Variants in DNAH14 observed in about 807,000 individuals in gnomAD.
The protein encoded by DNAH14 is dynein axonemal heavy chain 14, also known as axonemal beta dynein heavy chain 14.
A neutral mutation model predicts 520.9 loss-of-function variants in DNAH14; 478 were observed. The ratio of observed to expected loss-of-function variants is 0.92; its 90% CI spans 0.85 to 0.99. The LOEUF (loss-of-function observed/expected upper bound fraction) is 0.99. Among genes scored for constraint, DNAH14 ranks in the 50% least tolerant of loss-of-function variants. The pLI is 0.00. For synonymous variants in DNAH14, 1,581 were observed against 1,757.2 expected (o/e 0.90, Z 2.51); for missense variants, 4,831 against 5,234.5 (o/e 0.92, Z 2.38).
intron 54 of DNAH14, among the ~76,000 whole-genome samples, chr1:225,280,636 G>A (rs1429127559): frequency 6.6e-6 from 1 of 151,512 alleles, no homozygotes; most frequent in African/African-American, 2.4e-5. Flanking sequence ...TTCAATCACA[G>A]CTCAAGAAAG....
At chr1:225,294,302 G>T (rs1049249762) in intron 55 of DNAH14, among the ~76,000 whole-genome samples, 1 of 152,018 alleles carries the variant, frequency 6.6e-6, no homozygotes, top group South Asian at 2.1e-4. Context: ...TGATAATGGT[G>T]TATTATCTTT....
chr1:225,038,810 C>A lies in DNAH14; in HGVS notation c.1475C>A (p.Thr492Asn). The part of the protein sequence containing the change: ...SVQKSEVKTD[T>N]DINEILNSVE... ...CAAAAGTCAGAAGTAAAAACAGACA[C>A]TGATATTAATGAGGTAAAATGATCT... The change falls in exon 12 of 86, where the codon ACT becomes AAT. Residue 492 changes from threonine to asparagine, a missense_variant. Transcript: ENST00000682510. 6.7e-7 allele frequency: 1 copy of A among 1,497,982 alleles called. No individual in the cohort carries two copies. The highest frequency in any genetic ancestry group is 1.3e-5 in the South Asian group (1 of 74,834). 92.8% of individuals were successfully genotyped at this position (1,497,982 alleles called of 1,614,324 possible). A position where few individuals can be genotyped will look rare whatever the true frequency, so the allele number is the denominator to read the frequency against.
chr1:225,303,444 G>A (rs2094177665), intron 57 of DNAH14, 97 bp downstream of exon 57: 2 of 992,022 alleles, frequency 2.0e-6, no homozygotes, highest in Admixed American at 3.1e-5. Flanking sequence ...ACAAAAATAG[G>A]CAGTTCTAAG....
At position 225,145,370 on chromosome 1, in the gene DNAH14, G is replaced by C; in HGVS notation, c.4785G>C (p.Leu1595Phe). 6.5e-7 allele frequency: 1 copy of C among 1,545,232 alleles called. No homozygotes were observed. The highest frequency in any genetic ancestry group is 8.7e-7 in the Non-Finnish European group (1 of 1,144,204). Residue 1595 changes from leucine (L) to phenylalanine (F), a missense_variant, in exon 30 of 86, where the codon TTG becomes TTC. Coordinates refer to ENST00000682510, the MANE Select transcript of DNAH14 (RefSeq NM_001367479.1). ...TGGTCTTCAACTGTTTTGAGGATTT[G>C]GATTATAAGGTAAACCTTAAACATA... The part of the protein sequence containing the change: ...HCVVFNCFED[L>F]DYKIVRKFFF...
intron 78 of DNAH14, among the ~76,000 whole-genome samples, chr1:225,376,817 T>C (rs1362026608): frequency 1.3e-5 from 2 of 152,236 alleles, no homozygotes; most frequent in Non-Finnish European, 2.9e-5. Flanking sequence ...CCTGACCATA[T>C]GAACAATGCA....
intron 5 of DNAH14, among the ~76,000 whole-genome samples, chr1:224,965,737 A>C (rs2489348): frequency 6.6e-6 from 1 of 151,880 alleles, no homozygotes; most frequent in South Asian, 2.1e-4. Flanking sequence ...TTGAGCTTTC[A>C]TGTTTTGACC....
chr1:224,994,491 C>T (rs1184362336), intron 8 of DNAH14, among the ~76,000 whole-genome samples: 1 of 151,970 alleles, frequency 6.6e-6, no homozygotes, highest in Non-Finnish European at 1.5e-5. Context: ...ACTATAACCA[C>T]CCCTGTTCTT....
At chr1:225,024,571 A>T (rs894914048) in intron 11 of DNAH14, 1 of 152,198 alleles carries the variant, frequency 6.6e-6, no homozygotes, top group Admixed American at 6.5e-5. Flanking sequence ...AAAGTTTTAT[A>T]ACTAGGTAGC....
chr1:225,315,712 A>G (rs72750806), intron 60 of DNAH14, among the ~76,000 whole-genome samples: 1 of 152,264 alleles, frequency 6.6e-6, no homozygotes, highest in Non-Finnish European at 1.5e-5. Flanking sequence ...GGTCTGCTGG[A>G]ATTTGCTGGG....
At chr1:225,185,259 A>G (rs1484279844) in intron 36 of DNAH14, 32 bp from the exon 37 acceptor site, 41 of 1,533,276 alleles carry the variant, frequency 2.7e-5, no homozygotes, top group Non-Finnish European at 3.5e-5. Context: ...AAAATCATTA[A>G]TGAATGAATA....
rs1339984461 is a variant in DNAH14 at position 224,960,387 on chromosome 1, T to TGA, written c.367+86_367+87dup. 30 of 1,331,800 alleles carry TGA rather than the reference T, an allele frequency of 2.3e-5. No individual in the cohort carries two copies. The African/African-American group carries it at 3.9e-4, about 17-fold the overall frequency. The allele number at this position is 1,331,800 out of a possible 1,614,324, so 82.5% of individuals were successfully genotyped here. A position where few individuals can be genotyped will look rare whatever the true frequency, so the allele number is the denominator to read the frequency against. ...TGGTTTGTGTGCTTATATTGGACAC[T>TGA]GACTTTAGAAAAAACAGTCTTACTG... On this transcript the variant is annotated intron_variant, in intron 4 of 85. Transcript: ENST00000682510.
intron 1 of DNAH14, among the ~76,000 whole-genome samples, chr1:224,950,123 C>T (rs1334575271): frequency 6.6e-6 from 1 of 152,038 alleles, no homozygotes; most frequent in African/African-American, 2.4e-5. Flanking sequence ...CTTCAATACT[C>T]ATATTTAGAT....
At chr1:225,299,047 C>T (rs931920699) in intron 55 of DNAH14, among the ~76,000 whole-genome samples, 3 of 152,220 alleles carry the variant, frequency 2.0e-5, no homozygotes, top group Admixed American at 6.5e-5. Flanking sequence ...CCCATTGACA[C>T]TCTAGTCAAA....
intron 49 of DNAH14, among the ~76,000 whole-genome samples, chr1:225,268,287 G>A (rs2093193050): frequency 6.6e-6 from 1 of 152,096 alleles, no homozygotes; most frequent in Non-Finnish European, 1.5e-5. Context: ...AACCCTTCAT[G>A]CTAAACACTC....
At chr1:225,379,007 G>A (rs753319099) in intron 79 of DNAH14, among the ~76,000 whole-genome samples, 2 of 152,028 alleles carry the variant, frequency 1.3e-5, no homozygotes, top group African/African-American at 2.4e-5. Context: ...CCCACCTCCC[G>A]GGGCCCTGGT....
At position 225,307,616 on chromosome 1, in the gene DNAH14, A is replaced by G. The variant is rs752433835; in HGVS notation, c.9114+47A>G. 12 of 1,412,650 alleles carry G rather than the reference A, an allele frequency of 8.5e-6. 1 individual carries two copies. In the South Asian group the frequency reaches 1.6e-4, roughly 18 times the overall value. 87.5% of individuals were successfully genotyped at this position (1,412,650 alleles called of 1,614,324 possible). A position where few individuals can be genotyped will look rare whatever the true frequency, so the allele number is the denominator to read the frequency against. ...TTTTAAAGATTTTATAGTCTAATAT[A>G]GAACAGTGTTTGAAAGCAAAGGCTC... On this transcript the variant is annotated intron_variant, in intron 59 of 85. Coordinates refer to ENST00000682510, the MANE Select transcript of DNAH14 (RefSeq NM_001367479.1).
intron 8 of DNAH14, among the ~76,000 whole-genome samples, chr1:224,991,039 A>G (rs1034463037): frequency 6.5e-5 from 9 of 138,292 alleles, no homozygotes; most frequent in African/African-American, 1.9e-4. Context: ...TGGCTAGATC[A>G]TTATAGTTTT....
In DNAH14 at chr1:225,051,795, A is replaced by G; in HGVS notation, c.2424A>G (p.Glu808=). The change falls in exon 17 of 86, where the codon GAA becomes GAG. Residue 808 remains glutamate (E), a splice_region_variant and synonymous_variant. Coordinates refer to ENST00000682510, the MANE Select transcript of DNAH14 (RefSeq NM_001367479.1). ...VIEKKNKNLL[E]VVESSLQQLE... is the part of the protein sequence containing the mutation. ...AAAAAAAGAACAAAAATTTATTGGA[A>G]GTAAGTATTTTGAAAATTCTTATTG... 6.7e-7 allele frequency: 1 copy of G among 1,482,676 alleles called. No homozygotes were observed. Among genetic ancestry groups the G allele is most frequent in the South Asian group, 1.4e-5 (1 of 72,556 alleles). The allele number at this position is 1,482,676 out of a possible 1,614,324, so 91.8% of individuals were successfully genotyped here. A position where few individuals can be genotyped will look rare whatever the true frequency, so the allele number is the denominator to read the frequency against.
chr1:225,302,157 T>C (rs1404660273), intron 56 of DNAH14, among the ~76,000 whole-genome samples: 2 of 148,810 alleles, frequency 1.3e-5, no homozygotes, highest in African/African-American at 4.9e-5. Flanking sequence ...TATATAATGC[T>C]ATGCTTCTAA....
Sources: allele counts gnomAD v4.1 joint callset (sites outside exome capture counted in the v4.1 genomes callset), GRCh38; gene constraint gnomAD v4.1.1; transcripts MANE v1.5; gene names NCBI Gene and HGNC (gene_info 2026-07-23, HGNC 2026-07-21).